PRKCB: variants seen among roughly 807,000 people sequenced by gnomAD.
PRKCB encodes the protein protein kinase C beta type.
Under a neutral mutation model 81.5 loss-of-function variants are expected in PRKCB, and 13 were observed. The observed-to-expected ratio is 0.16, with a 90% confidence interval of 0.10 to 0.25. The LOEUF (loss-of-function observed/expected upper bound fraction) is 0.25, where lower values mean the gene tolerates loss of function less well. Ranked by LOEUF, PRKCB falls within the 10% of genes least tolerant of loss-of-function variation. PRKCB has a pLI of 1.00. For missense variants in PRKCB, 509 were observed against 875.7 expected (o/e 0.58, Z 5.29); for synonymous variants, 335 against 321.4 (o/e 1.04, Z -0.45).
chr16:24,021,018 T>TTTTC (rs1296452379), intron 3 of PRKCB, among the ~76,000 whole-genome samples: 18 of 134,534 alleles, frequency 1.3e-4, no homozygotes, highest in African/African-American at 5.2e-4. Context: ...CTTTCTTTCT[T>TTTTC]TCTTTCTTTC....
At chr16:24,089,891 G>C (rs1966356786) in intron 5 of PRKCB, among the ~76,000 whole-genome samples, 1 of 152,102 alleles carries the variant, frequency 6.6e-6, no homozygotes, top group African/African-American at 2.4e-5. Flanking sequence ...CATTTATTGA[G>C]TATTTTTTAA....
chr16:23,949,503 C>T (rs1170580632), intron 2 of PRKCB, among the ~76,000 whole-genome samples: 1 of 152,350 alleles, frequency 6.6e-6, no homozygotes, highest in East Asian at 1.9e-4. Flanking sequence ...CAACTTCCTC[C>T]GTTCTGCCCC....
At chr16:24,084,774 A>T (rs553377575) in intron 5 of PRKCB, among the ~76,000 whole-genome samples, 1 of 152,342 alleles carries the variant, frequency 6.6e-6, no homozygotes, top group Non-Finnish European at 1.5e-5. Flanking sequence ...TAGGAATCAG[A>T]TGGGAGCCTC....
At position 23,886,411 on chromosome 16, in the gene PRKCB, T is replaced by TTG. The variant is rs1324152383; in HGVS notation, c.205+49006_205+49007insGT. On this transcript the variant is annotated intron_variant, in intron 2 of 16. Coordinates refer to ENST00000643927, the MANE Select transcript of PRKCB (RefSeq NM_002738.7). ...TGGACTATGGTGTGTTAGGTGTTTT[T>TTG]TTTTTTTTTTTTTTTTTTTTTGATG... Among the ~76,000 whole-genome samples, 265 of 110,416 alleles carry TTG rather than the reference T, an allele frequency of 2.4e-3. 4 individuals carry two copies. Among genetic ancestry groups the TTG allele is most frequent in the African/African-American group, 8.8e-3 (257 of 29,250 alleles). 72.4% of individuals were successfully genotyped at this position (110,416 alleles called of 152,430 possible). A position where few individuals can be genotyped will look rare whatever the true frequency, so the allele number is the denominator to read the frequency against.
chr16:24,042,682 T>C (rs1188621198), intron 5 of PRKCB, among the ~76,000 whole-genome samples: 1 of 150,980 alleles, frequency 6.6e-6, no homozygotes, highest in Non-Finnish European at 1.5e-5. Context: ...AATTTACTTG[T>C]AGGGTTTCTT....
Position 24,211,514 on chromosome 16 carries a change from T to A in PRKCB, c.1864-3144T>A, listed in dbSNP as rs142628358. Among the ~76,000 whole-genome samples, 29 of 151,046 alleles carry A rather than the reference T, an allele frequency of 1.9e-4. No homozygotes were observed. The East Asian group carries it at 3.7e-3, about 19-fold the overall frequency. On this transcript the variant is annotated intron_variant, in intron 16 of 16. Transcript: ENST00000643927. ...AACTTGCCCAGAGTTGCACAGATAG[T>A]GGGTAGCATAATGCCAGGGTTTGAA...
At chr16:24,060,254 C>T (rs573218392) in intron 5 of PRKCB, among the ~76,000 whole-genome samples, 62 of 152,166 alleles carry the variant, frequency 4.1e-4, no homozygotes, top group African/African-American at 1.4e-3. Context: ...CCTCATCTGG[C>T]GAGCAGAGAG....
At chr16:24,036,563 G>A (rs1965622007) in intron 5 of PRKCB, among the ~76,000 whole-genome samples, 1 of 152,172 alleles carries the variant, frequency 6.6e-6, no homozygotes, top group African/African-American at 2.4e-5. Context: ...TAGCTCTGAT[G>A]CATTGAGCCC....
chr16:24,117,109 C>T (rs548134084), intron 8 of PRKCB, among the ~76,000 whole-genome samples: 1 of 145,872 alleles, frequency 6.9e-6, no homozygotes, highest in African/African-American at 2.8e-5. Context: ...GAAAATTGTT[C>T]TCAGGCTCAC....
chr16:23,891,421 T>C (rs1597231210), intron 2 of PRKCB, among the ~76,000 whole-genome samples: 2 of 152,146 alleles, frequency 1.3e-5, no homozygotes, highest in Admixed American at 1.3e-4. Flanking sequence ...TGTGTGTGTA[T>C]GTATGTGTGT....
At chr16:24,138,807 T>C (rs1194784365) in intron 9 of PRKCB, among the ~76,000 whole-genome samples, 1 of 151,958 alleles carries the variant, frequency 6.6e-6, no homozygotes, top group Non-Finnish European at 1.5e-5. Flanking sequence ...AGTTTGACTA[T>C]TTTAGATTCC....
chr16:24,014,186 G>A (rs1965243474), intron 3 of PRKCB, among the ~76,000 whole-genome samples: 1 of 151,962 alleles, frequency 6.6e-6, no homozygotes, highest in Non-Finnish European at 1.5e-5. Flanking sequence ...CTTATGTTGT[G>A]ATCTTGCATT....
At position 24,079,744 on chromosome 16, in the gene PRKCB, C is replaced by T. The variant is rs7184825; in HGVS notation, c.530-13047C>T. ...ACAATACTTTTAAAAAATGTAATTG[C>T]GTTGATTGGTACTTTCAGAACAATG... is the stretch of plus-strand genomic sequence containing the variant. On this transcript the variant is annotated intron_variant, in intron 5 of 16. Coordinates refer to ENST00000643927, the MANE Select transcript of PRKCB (RefSeq NM_002738.7). Among the ~76,000 whole-genome samples the T allele has an allele frequency of 8.7e-3, 1,323 of 152,190 alleles. 24 individuals are homozygous for T. Among genetic ancestry groups the T allele is most frequent in the African/African-American group, 0.03 (1,238 of 41,522 alleles).
intron 3 of PRKCB, among the ~76,000 whole-genome samples, chr16:23,990,294 T>C (rs977944766): frequency 7.9e-5 from 12 of 151,590 alleles, no homozygotes; most frequent in African/African-American, 2.9e-4. Context: ...CCGTCTCTAC[T>C]AAAAATACAA....
At chr16:24,041,317 G>T (rs1299156126) in intron 5 of PRKCB, among the ~76,000 whole-genome samples, 1 of 152,156 alleles carries the variant, frequency 6.6e-6, no homozygotes, top group East Asian at 1.9e-4. Context: ...CTCCCAAAGG[G>T]CTGGGATTAC....
chr16:24,115,070 AGC>A (rs1371941738), intron 8 of PRKCB, among the ~76,000 whole-genome samples: 6 of 152,318 alleles, frequency 3.9e-5, no homozygotes, highest in East Asian at 1.9e-4. Flanking sequence ...GTTATATAGC[AGC>A]AATGTGAGAC....
intron 5 of PRKCB, among the ~76,000 whole-genome samples, chr16:24,066,017 T>A (rs1485898028): frequency 6.6e-6 from 1 of 152,106 alleles, no homozygotes. Flanking sequence ...TTATGCAATC[T>A]GTATGATTTT....
chr16:23,954,341 C>T (rs141586356), intron 2 of PRKCB, among the ~76,000 whole-genome samples: 223 of 152,254 alleles, frequency 1.5e-3, no homozygotes, highest in African/African-American at 4.8e-3. Context: ...TTGTGACCAC[C>T]GGAGCTCTGT....
In PRKCB at chr16:24,045,038, G is replaced by A. The variant is rs79734479; in HGVS notation, c.529+9491G>A. ...GGAGTGAAGAGGCTGTGGCGGTGAGGGGGATTGTGTTGTGTCTCTGTAGTT... is the reference window on the plus strand; with the variant it reads ...GGAGTGAAGAGGCTGTGGCGGTGAGAGGGATTGTGTTGTGTCTCTGTAGTT... On this transcript the variant is annotated intron_variant, in intron 5 of 16. Transcript: ENST00000643927. 8.4e-3 allele frequency among the ~76,000 whole-genome samples: 1,283 copies of A among 152,282 alleles called. 19 individuals are homozygous for A. The highest frequency in any genetic ancestry group is 0.03 in the African/African-American group (1,245 of 41,540).
Sources: gnomAD v4.1 joint callset for allele counts (sites outside exome capture counted in the v4.1 genomes callset) on GRCh38, gnomAD v4.1.1 for gene constraint, MANE v1.5 for transcripts, NCBI Gene and HGNC (gene_info 2026-07-23, HGNC 2026-07-21) for gene names.